FSTL5: variants seen among roughly 807,000 people sequenced by gnomAD.
FSTL5 encodes follistatin like 5.
A neutral mutation model predicts 89.1 loss-of-function variants in FSTL5; 62 were observed. The ratio of observed to expected loss-of-function variants is 0.70; its 90% CI spans 0.57 to 0.86. The LOEUF is 0.86. Among genes scored for constraint, FSTL5 ranks in the 40% least tolerant of loss-of-function variants. The pLI, the probability that FSTL5 is intolerant of heterozygous loss-of-function variation, is 0.00. For synonymous variants in FSTL5, 383 were observed against 346.2 expected (o/e 1.11, Z -1.18); for missense variants, 1,057 against 1,001.6 (o/e 1.06, Z -0.75).
rs376026519 is a variant in FSTL5, at chr4:161,587,481, T to A, written c.989A>T (p.Tyr330Phe). ...TCYADGYEQV[Y>F]QTHIFQVNVP... ...ATTCACTTGGAAGATGTGAGTCTGA[T>A]AGACTTGTTCATAGCCATCTGCATA... is the stretch of plus-strand genomic sequence containing the variant. The change falls in exon 8 of 16, where the codon TAT becomes TTT. Residue 330 changes from tyrosine to phenylalanine, a missense_variant. Around this residue, in one of 3 missense-constraint regions of FSTL5, gnomAD observed 980 missense variants for 903.2 expected, o/e 1.08. Coordinates refer to ENST00000306100, the MANE Select transcript of FSTL5 (RefSeq NM_020116.5). The A allele has an allele frequency of 5.0e-6, 8 of 1,613,392 alleles. No homozygotes were observed. Among genetic ancestry groups the A allele is most frequent in the Non-Finnish European group, 6.8e-6 (8 of 1,179,532 alleles).
At chr4:162,080,738 C>A (rs1730060105) in intron 2 of FSTL5, among the ~76,000 whole-genome samples, 2 of 151,464 alleles carry the variant, frequency 1.3e-5, no homozygotes, top group African/African-American at 4.8e-5. Context: ...AGCCCCCATA[C>A]CCTCAAATTT....
intron 7 of FSTL5, among the ~76,000 whole-genome samples, chr4:161,607,629 C>T (rs1051124723): frequency 6.6e-6 from 1 of 152,108 alleles, no homozygotes; most frequent in African/African-American, 2.4e-5. Flanking sequence ...TTCAGATATC[C>T]TATGGGAATG....
At chr4:162,059,212 G>A in intron 2 of FSTL5, among the ~76,000 whole-genome samples, 1 of 152,066 alleles carries the variant, frequency 6.6e-6, no homozygotes, top group East Asian at 1.9e-4. Context: ...AGTGTTAAGT[G>A]GCTGATATTT....
Position 161,837,391 on chromosome 4 carries a change from C to G in FSTL5, c.410-61317G>C, listed in dbSNP as rs567823475. ...CATGAAAGCATAAAAATCTCAAATA[C>G]TATAAAAGTTAAATGAAATAAGTTC... On this transcript the variant is annotated intron_variant, in intron 4 of 15. Transcript: ENST00000306100. 3.9e-5 allele frequency among the ~76,000 whole-genome samples: 6 copies of G among 151,950 alleles called. No homozygotes were observed. The South Asian group carries it at 6.2e-4, about 16-fold the overall frequency.
intron 4 of FSTL5, among the ~76,000 whole-genome samples, chr4:161,780,541 A>G (rs2126809380): frequency 6.6e-6 from 1 of 152,302 alleles, no homozygotes; most frequent in East Asian, 1.9e-4. Context: ...TTTATTGGTA[A>G]CTGTAGATTA....
At chr4:161,459,378 G>A in intron 13 of FSTL5, 59 bp from the exon 14 acceptor site, 1 of 1,029,772 alleles carries the variant, frequency 9.7e-7, no homozygotes, top group Admixed American at 2.1e-5. Flanking sequence ...TTAAAGCTAG[G>A]CCAGAAATTA....
At chr4:161,501,966 C>G (rs1217518664) in intron 11 of FSTL5, among the ~76,000 whole-genome samples, 3 of 151,954 alleles carry the variant, frequency 2.0e-5, no homozygotes, top group African/African-American at 7.2e-5. Context: ...ATGAACATAA[C>G]AAAACCATAA....
intron 10 of FSTL5, among the ~76,000 whole-genome samples, chr4:161,520,058 C>T (rs1421840388): frequency 6.6e-6 from 1 of 151,812 alleles, no homozygotes; most frequent in African/African-American, 2.4e-5. Context: ...TAAAACATTG[C>T]AAAAAAGTAT....
intron 5 of FSTL5, among the ~76,000 whole-genome samples, chr4:161,762,553 T>TA (rs1414715767): frequency 2.0e-5 from 3 of 152,190 alleles, no homozygotes; most frequent in Non-Finnish European, 4.4e-5. Flanking sequence ...GTTGTGATGA[T>TA]ACTTCATTAT....
At chr4:161,446,701 C>A (rs573987800) in intron 15 of FSTL5, among the ~76,000 whole-genome samples, 6 of 152,126 alleles carry the variant, frequency 3.9e-5, no homozygotes, top group East Asian at 1.9e-4. Context: ...ATAGGCCATG[C>A]AATGTACACT....
chr4:161,895,604 A>C (rs748328035), intron 4 of FSTL5, among the ~76,000 whole-genome samples: 2 of 152,190 alleles, frequency 1.3e-5, no homozygotes, highest in Non-Finnish European at 2.9e-5. Flanking sequence ...GATGCTATGA[A>C]TGATATGTCA....
intron 3 of FSTL5, among the ~76,000 whole-genome samples, chr4:161,937,288 C>T (rs1734459253): frequency 6.6e-6 from 1 of 152,004 alleles, no homozygotes; most frequent in Admixed American, 6.6e-5. Context: ...ACATAGACAT[C>T]ACTTCCAGAA....
intron 3 of FSTL5, among the ~76,000 whole-genome samples, chr4:161,948,663 G>A (rs1213881616): frequency 1.3e-5 from 2 of 151,704 alleles, no homozygotes; most frequent in African/African-American, 2.4e-5. Flanking sequence ...GTCCAGGCTG[G>A]TTTTGAACTC....
At chr4:161,725,553 TAC>T (rs1166268854) in intron 6 of FSTL5, among the ~76,000 whole-genome samples, 3 of 151,610 alleles carry the variant, frequency 2.0e-5, no homozygotes, top group African/African-American at 2.4e-5. Flanking sequence ...AACATAAACA[TAC>T]TTTTGAAAAA....
At chr4:161,895,534 G>A (rs1039318471) in intron 4 of FSTL5, among the ~76,000 whole-genome samples, 2 of 152,088 alleles carry the variant, frequency 1.3e-5, no homozygotes, top group Non-Finnish European at 2.9e-5. Context: ...ATTTTTTGGA[G>A]TTAGGTTCAG....
chr4:161,441,222 T>A (rs947586578), intron 15 of FSTL5, among the ~76,000 whole-genome samples: 1 of 152,116 alleles, frequency 6.6e-6, no homozygotes, highest in Non-Finnish European at 1.5e-5. Context: ...ACATTTTGAA[T>A]CTCTTCCACG....
chr4:161,989,812 G>T (rs966679267), intron 3 of FSTL5, among the ~76,000 whole-genome samples: 2 of 152,070 alleles, frequency 1.3e-5, no homozygotes, highest in Non-Finnish European at 2.9e-5. Flanking sequence ...GGGGATTACA[G>T]GATACTAAAT....
chr4:161,775,077 AGACC>A, intron 5 of FSTL5, among the ~76,000 whole-genome samples: 1 of 152,186 alleles, frequency 6.6e-6, no homozygotes, highest in Non-Finnish European at 1.5e-5. Flanking sequence ...TTGTTTAATA[AGACC>A]AATACTCCAC....
intron 1 of FSTL5, among the ~76,000 whole-genome samples, chr4:162,130,637 A>G (rs936915633): frequency 1.3e-5 from 2 of 152,210 alleles, no homozygotes; most frequent in African/African-American, 4.8e-5. Context: ...AAAACAATAT[A>G]ATAATGACAA....
Sources: gnomAD v4.1 joint callset for allele counts (sites outside exome capture counted in the v4.1 genomes callset) on GRCh38, gnomAD v4.1.1 for gene constraint, gnomAD v4.1.1 regional missense constraint, MANE v1.5 for transcripts, NCBI Gene and HGNC (gene_info 2026-07-23, HGNC 2026-07-21) for gene names.